Variants in POFUT3 observed in about 807,000 individuals in gnomAD.
POFUT3 encodes the protein protein O-fucosyltransferase 3, also known as GDP-fucose protein O-fucosyltransferase 3.
the POFUT3 span, among the ~76,000 whole-genome samples, chr8:33,404,063 C>T: frequency 3.3e-5 from 5 of 152,000 alleles, no homozygotes; most frequent in Admixed American, 1.3e-4. Flanking sequence ...CCAGGCCGGG[C>T]GCGGTAGCTC....
At chr8:33,347,708 C>A in the POFUT3 span, among the ~76,000 whole-genome samples, 1 of 152,184 alleles carries the variant, frequency 6.6e-6, no homozygotes, top group Admixed American at 6.5e-5. Flanking sequence ...AGGATACCAC[C>A]TGACCTTCAA....
At chr8:33,332,214 T>C in the POFUT3 span, among the ~76,000 whole-genome samples, 1 of 140,748 alleles carries the variant, frequency 7.1e-6, no homozygotes, top group Non-Finnish European at 1.5e-5. Context: ...CCAGGAGCGG[T>C]GGCTCATGCC....
the POFUT3 span, among the ~76,000 whole-genome samples, chr8:33,418,366 C>T: frequency 6.9e-6 from 1 of 144,900 alleles, no homozygotes; most frequent in African/African-American, 2.5e-5. Flanking sequence ...ATTAAAGAGA[C>T]AAAAAATAAC....
chr8:33,441,999 G>T, the POFUT3 span, among the ~76,000 whole-genome samples: 7 of 152,136 alleles, frequency 4.6e-5, no homozygotes, highest in Admixed American at 4.6e-4. Context: ...ACCCAGGCTG[G>T]AGTGCAGTGG....
At chr8:33,311,789 G>T in the POFUT3 span, among the ~76,000 whole-genome samples, 1 of 152,016 alleles carries the variant, frequency 6.6e-6, no homozygotes, top group African/African-American at 2.4e-5. Flanking sequence ...CCTGTCTTTT[G>T]TTCTGATATG....
chr8:33,399,659 T>C, the POFUT3 span, among the ~76,000 whole-genome samples: 1 of 138,516 alleles, frequency 7.2e-6, no homozygotes, highest in Non-Finnish European at 1.6e-5. Context: ...CTTTTATTTA[T>C]TTGTTTTTTT....
the POFUT3 span, among the ~76,000 whole-genome samples, chr8:33,343,089 C>A: frequency 6.9e-6 from 1 of 145,298 alleles, no homozygotes; most frequent in Non-Finnish European, 1.5e-5. Flanking sequence ...CCAGCCTGGG[C>A]GACAGAGCAA....
chr8:33,374,201 C>G, the POFUT3 span, among the ~76,000 whole-genome samples: 2 of 152,150 alleles, frequency 1.3e-5, no homozygotes, highest in Non-Finnish European at 1.5e-5. Context: ...CATCTAATCC[C>G]CCACCCACCT....
chr8:33,451,996 G>A, the POFUT3 span: 1 of 151,936 alleles, frequency 6.6e-6, no homozygotes, highest in Non-Finnish European at 1.5e-5. Context: ...CGGGATTATG[G>A]GGATTACAAT....
chr8:33,383,774 G>A, the POFUT3 span, among the ~76,000 whole-genome samples: 6 of 137,046 alleles, frequency 4.4e-5, no homozygotes, highest in Non-Finnish European at 9.1e-5. Flanking sequence ...ACTCCAGCCT[G>A]GGTGACAGAG....
the POFUT3 span, among the ~76,000 whole-genome samples, chr8:33,446,715 T>C: frequency 6.6e-6 from 1 of 152,186 alleles, no homozygotes; most frequent in African/African-American, 2.4e-5. Flanking sequence ...ACATCAGTAC[T>C]CCTGTTCCCA....
the POFUT3 span, among the ~76,000 whole-genome samples, chr8:33,388,698 C>T: frequency 6.6e-6 from 1 of 152,046 alleles, no homozygotes; most frequent in African/African-American, 2.4e-5. Flanking sequence ...TGTGTCACTG[C>T]CCAGCACCTG....
At chr8:33,348,147 G>A in the POFUT3 span, among the ~76,000 whole-genome samples, 3 of 148,194 alleles carry the variant, frequency 2.0e-5, no homozygotes, top group Non-Finnish European at 4.4e-5. Context: ...TTCCAACCTC[G>A]GTGACAGAGC....
the POFUT3 span, among the ~76,000 whole-genome samples, chr8:33,432,299 C>T: frequency 6.6e-6 from 1 of 150,946 alleles, no homozygotes; most frequent in African/African-American, 2.4e-5. Context: ...CCCAGCTACT[C>T]GGGAGGCTGA....
At chr8:33,372,563 G>A in the POFUT3 span, 1 of 1,611,366 alleles carries the variant, frequency 6.2e-7, no homozygotes, top group Non-Finnish European at 8.5e-7. Flanking sequence ...GTTTCATTCT[G>A]ATCATTTTTG....
the POFUT3 span, among the ~76,000 whole-genome samples, chr8:33,415,598 TC>T: frequency 6.6e-6 from 1 of 152,134 alleles, no homozygotes; most frequent in African/African-American, 2.4e-5. Flanking sequence ...AGATTTATTC[TC>T]CCCATAGTTT....
the POFUT3 span, among the ~76,000 whole-genome samples, chr8:33,407,440 C>T: frequency 6.6e-6 from 1 of 152,172 alleles, no homozygotes; most frequent in Non-Finnish European, 1.5e-5. Flanking sequence ...CTTTCAAATA[C>T]ATACTTCACA....
the POFUT3 span, among the ~76,000 whole-genome samples, chr8:33,329,749 G>A: frequency 1.3e-5 from 2 of 152,258 alleles, no homozygotes; most frequent in East Asian, 3.9e-4. Context: ...GTGTTTCTAG[G>A]CTGCCATCAG....
the POFUT3 span, among the ~76,000 whole-genome samples, chr8:33,438,466 G>C: frequency 6.6e-6 from 1 of 152,070 alleles, no homozygotes; most frequent in African/African-American, 2.4e-5. Context: ...GTAGTCCCAG[G>C]CATGGACCAC....
Sources: gnomAD v4.1 joint callset for allele counts (sites outside exome capture counted in the v4.1 genomes callset) on GRCh38, gnomAD v4.1.1 for gene constraint, MANE v1.5 for transcripts, NCBI Gene and HGNC (gene_info 2026-07-23, HGNC 2026-07-21) for gene names.